The following NPSR1 variants were observed in gnomAD, a reference collection of about 807,000 sequenced individuals.
NPSR1 encodes neuropeptide S receptor 1, also known as neuropeptide S receptor.
A neutral mutation model predicts 46.9 loss-of-function variants in NPSR1; 48 were observed. The observed-to-expected ratio is 1.02, with a 90% confidence interval of 0.81 to 1.30. NPSR1 has a LOEUF of 1.30. Ranked by LOEUF, NPSR1 falls within the 50% of genes most tolerant of loss-of-function variation. The probability of loss-of-function intolerance (pLI) is 0.00; values close to 1 mark genes in which losing one functional copy is unlikely to be tolerated. For synonymous variants in NPSR1, 176 were observed against 168.1 expected, an observed-to-expected ratio of 1.05 and a Z score of -0.36; for missense variants, 450 against 449.5, an observed-to-expected ratio of 1.00 and a Z score of -0.01.
downstream of NPSR1, among the ~76,000 whole-genome samples, chr7:34,851,723 T>C (rs760270108): frequency 1.3e-5 from 2 of 152,156 alleles, no homozygotes; most frequent in African/African-American, 2.4e-5. Flanking sequence ...GTCTGCAAAA[T>C]ACATTACATG....
At chr7:34,799,038 T>G (rs1026188913) in intron 3 of NPSR1, among the ~76,000 whole-genome samples, 5 of 152,004 alleles carry the variant, frequency 3.3e-5, no homozygotes, top group African/African-American at 1.2e-4. Context: ...ATCTTAGGCC[T>G]TAGGAAACTA....
In NPSR1 at chr7:34,694,804, G is replaced by C. The variant is rs1030434408; in HGVS notation, c.280+10120G>C. Among the ~76,000 whole-genome samples the C allele has an allele frequency of 3.3e-5, 5 of 152,152 alleles. No homozygotes were observed. In the East Asian group the frequency reaches 9.6e-4, roughly 29 times the overall value. ...GGCTCACTGCAACCTACACCTCCTG[G>C]GTTCAAGAGATTCTCCTGCCTCAGC... On this transcript the variant is annotated intron_variant, in intron 2 of 8. Transcript: ENST00000360581.
chr7:34,693,661 C>T (rs1422992065), intron 2 of NPSR1, among the ~76,000 whole-genome samples: 3 of 152,132 alleles, frequency 2.0e-5, no homozygotes, highest in African/African-American at 7.2e-5. Context: ...CACCCTGATA[C>T]CAAAATCATA....
At chr7:34,836,247 G>T (rs1234899765) in intron 6 of NPSR1, among the ~76,000 whole-genome samples, 2 of 152,110 alleles carry the variant, frequency 1.3e-5, no homozygotes, top group South Asian at 2.1e-4. Context: ...AGTTGGCTTT[G>T]GTTAAAAGTT....
At chr7:34,786,736 G>A (rs1425805410) in intron 3 of NPSR1, among the ~76,000 whole-genome samples, 7 of 152,082 alleles carry the variant, frequency 4.6e-5, no homozygotes, top group South Asian at 2.1e-4. Context: ...TTTGTTCATC[G>A]TCATCAAAGC....
chr7:34,752,879 G>T (rs1408956020), intron 2 of NPSR1, among the ~76,000 whole-genome samples: 1 of 152,184 alleles, frequency 6.6e-6, no homozygotes, highest in African/African-American at 2.4e-5. Context: ...GGCACTCTGT[G>T]AAGCCTGCCT....
At chr7:34,821,076 G>A (rs1392409746) in intron 4 of NPSR1, among the ~76,000 whole-genome samples, 1 of 151,440 alleles carries the variant, frequency 6.6e-6, no homozygotes, top group Non-Finnish European at 1.5e-5. Flanking sequence ...TCGGAAGGTT[G>A]GGGGGCCTTA....
chr7:34,848,074 C>T (rs894258649), intron 7 of NPSR1, among the ~76,000 whole-genome samples: 4 of 152,180 alleles, frequency 2.6e-5, no homozygotes, highest in East Asian at 1.9e-4. Flanking sequence ...GTAGTCACTA[C>T]GTGGTCAAAA....
At chr7:34,842,332 A>AAATCAAG (rs1284068215) in intron 6 of NPSR1, among the ~76,000 whole-genome samples, 1 of 152,196 alleles carries the variant, frequency 6.6e-6, no homozygotes, top group Non-Finnish European at 1.5e-5. Context: ...CCCATCCTAG[A>AAATCAAG]AATCAAGGTT....
chr7:34,844,551 T>C (rs1280067566), intron 6 of NPSR1, among the ~76,000 whole-genome samples: 1 of 152,202 alleles, frequency 6.6e-6, no homozygotes, highest in Non-Finnish European at 1.5e-5. Flanking sequence ...TGTCTCAGCA[T>C]AGCCAGGGCT....
intron 4 of NPSR1, among the ~76,000 whole-genome samples, chr7:34,825,899 G>C (rs58759006): frequency 0.077 from 11,760 of 152,208 alleles, 1,254 homozygotes; most frequent in African/African-American, 0.24. Context: ...AAAGCAGAAG[G>C]GCTGGTACCT....
intron 3 of NPSR1, among the ~76,000 whole-genome samples, chr7:34,804,180 C>G (rs1231263984): frequency 1.3e-5 from 2 of 152,010 alleles, no homozygotes; most frequent in Non-Finnish European, 2.9e-5. Flanking sequence ...CAGAAATGCC[C>G]TAATTCTAAA....
chr7:34,684,029 TATA>T (rs1792794026), intron 1 of NPSR1, among the ~76,000 whole-genome samples: 1 of 152,196 alleles, frequency 6.6e-6, no homozygotes, highest in South Asian at 2.1e-4. Context: ...TTGCTATGTA[TATA>T]ATTTTACAGA....
At chr7:34,672,947 T>A (rs570042040) in intron 1 of NPSR1, among the ~76,000 whole-genome samples, 1 of 152,302 alleles carries the variant, frequency 6.6e-6, no homozygotes, top group Admixed American at 6.5e-5. Context: ...TGTAAACCTT[T>A]CTCTGCTGTT....
intron 2 of NPSR1, among the ~76,000 whole-genome samples, chr7:34,697,568 G>A (rs1793596260): frequency 1.3e-5 from 2 of 151,750 alleles, no homozygotes; most frequent in South Asian, 4.2e-4. Context: ...ACACCCTCCT[G>A]TATACTTTAA....
intron 2 of NPSR1, among the ~76,000 whole-genome samples, chr7:34,707,813 C>T (rs1274182308): frequency 5.3e-5 from 8 of 152,110 alleles, no homozygotes; most frequent in African/African-American, 1.4e-4. Context: ...CTGGGACTGC[C>T]GTAACAAATA....
At chr7:34,745,874 C>T (rs1045245588) in intron 2 of NPSR1, among the ~76,000 whole-genome samples, 2 of 152,202 alleles carry the variant, frequency 1.3e-5, no homozygotes, top group Non-Finnish European at 2.9e-5. Context: ...AATCTTTGCA[C>T]ATCTGATTTC....
At chr7:34,854,525 GAC>G, downstream of NPSR1, among the ~76,000 whole-genome samples, 1 of 152,032 alleles carries the variant, frequency 6.6e-6, no homozygotes, top group Non-Finnish European at 1.5e-5. Context: ...TATTAATAAA[GAC>G]TAAATACCTT....
chr7:34,776,921 T>C (rs1176702155), intron 2 of NPSR1, among the ~76,000 whole-genome samples: 1 of 152,198 alleles, frequency 6.6e-6, no homozygotes, highest in Non-Finnish European at 1.5e-5. Flanking sequence ...CTGTTGTGAC[T>C]GTGCTGGTAT....
Sources: allele counts gnomAD v4.1 joint callset (sites outside exome capture counted in the v4.1 genomes callset), GRCh38; gene constraint gnomAD v4.1.1; transcripts MANE v1.5; gene names NCBI Gene and HGNC (gene_info 2026-07-23, HGNC 2026-07-21).